Variants in C3orf20 observed in about 807,000 individuals in gnomAD.
C3orf20 encodes the protein uncharacterized protein C3orf20.
Under a neutral mutation model 88.3 loss-of-function variants are expected in C3orf20, and 76 were observed. The observed-to-expected ratio is 0.86, with a 90% CI of 0.72 to 1.04. The LOEUF is 1.04. Ranked by LOEUF, C3orf20 falls within the 50% of genes least tolerant of loss-of-function variation. The probability of loss-of-function intolerance (pLI) is 0.00; values close to 1 mark genes in which losing one functional copy is unlikely to be tolerated. For missense variants in C3orf20, 1,056 were observed against 1,123.3 expected, an observed-to-expected ratio of 0.94 and a Z score of 0.86; for synonymous variants, 436 against 437.4, an observed-to-expected ratio of 1.00 and a Z score of 0.04.
intron 1 of C3orf20, among the ~76,000 whole-genome samples, chr3:14,680,449 A>G (rs1170715337): frequency 1.3e-5 from 2 of 152,186 alleles, no homozygotes; most frequent in African/African-American, 4.8e-5. Context: ...AAATGTCCAG[A>G]ACAGGCAAAT....
Position 14,704,719 on chromosome 3 carries a change from T to C in C3orf20, c.1160+101T>C, listed in dbSNP as rs886618352. 10 of 1,428,854 alleles carry C rather than the reference T, an allele frequency of 7.0e-6. No homozygotes were observed. In the African/African-American group the frequency reaches 1.1e-4, roughly 16 times the overall value. The allele number at this position is 1,428,854 out of a possible 1,614,324, so 88.5% of individuals were successfully genotyped here. A position where few individuals can be genotyped will look rare whatever the true frequency, so the allele number is the denominator to read the frequency against. On this transcript the variant is annotated intron_variant, in intron 7 of 16. Coordinates refer to ENST00000253697, the MANE Select transcript of C3orf20 (RefSeq NM_032137.5). Reference sequence around the variant, plus strand: ...AATGTTTCCTTGGGCCTTTTAGTTATCAGAGAAGCCTGGTGATGGGTCTCC... The same window carrying C: ...AATGTTTCCTTGGGCCTTTTAGTTACCAGAGAAGCCTGGTGATGGGTCTCC...
chr3:14,687,647 C>T (rs887849320), intron 4 of C3orf20, among the ~76,000 whole-genome samples: 32 of 152,216 alleles, frequency 2.1e-4, no homozygotes, highest in African/African-American at 7.7e-4. Flanking sequence ...GCCCAACCCT[C>T]GGGCCTGACA....
At chr3:14,766,898 AGGCTTTGAGGAGCGTGGCCAGGC>A (rs58724662) in intron 15 of C3orf20, 45,634 of 151,816 alleles carry the variant, frequency 0.3, 8,829 homozygotes, top group African/African-American at 0.54. Flanking sequence ...GAGCTGTGGG[AGGCTTTGAGGAGCGTGGCCAGGC>A]GGCTTTGAGG....
rs2033843266 is a variant in C3orf20 at position 14,713,937 on chromosome 3, G to A, written c.1161-70G>A. On this transcript the variant is annotated intron_variant, in intron 7 of 16. Transcript: ENST00000253697. ...AGCTAACACTTTGACATGTGGACTT[G>A]CTTCAATGGGACAACTGAGAGCAGA... is the stretch of plus-strand genomic sequence containing the variant. The A allele has an allele frequency of 1.9e-6, 3 of 1,560,330 alleles. No homozygotes were observed. In the African/African-American group the frequency reaches 4.1e-5, roughly 21 times the overall value.
At chr3:14,749,447 C>G (rs1298596595) in intron 12 of C3orf20, among the ~76,000 whole-genome samples, 2 of 152,200 alleles carry the variant, frequency 1.3e-5, no homozygotes, top group African/African-American at 4.8e-5. Context: ...GTAGCTGGAA[C>G]TGCAGACACA....
intron 4 of C3orf20, among the ~76,000 whole-genome samples, chr3:14,686,246 A>G (rs1449245628): frequency 6.6e-6 from 1 of 151,098 alleles, no homozygotes; most frequent in Non-Finnish European, 1.5e-5. Context: ...TTTGATGAAC[A>G]TTTAGGTTGT....
intron 4 of C3orf20, among the ~76,000 whole-genome samples, chr3:14,687,411 AG>A (rs552802188): frequency 6.6e-6 from 1 of 152,186 alleles, no homozygotes; most frequent in Non-Finnish European, 1.5e-5. Flanking sequence ...TCTCTGTTTT[AG>A]GGGAAGTTAC....
chr3:14,684,786 G>T (rs1056115335), intron 4 of C3orf20, among the ~76,000 whole-genome samples: 1 of 152,202 alleles, frequency 6.6e-6, no homozygotes, highest in Non-Finnish European at 1.5e-5. Flanking sequence ...TTCAGTTTTT[G>T]TGCTCACCTG....
At chr3:14,727,130 A>G (rs1373414970) in intron 11 of C3orf20, 106 bp downstream of exon 11, 1 of 1,288,978 alleles carries the variant, frequency 7.8e-7, no homozygotes, top group Non-Finnish European at 1.1e-6. Flanking sequence ...CGCCCATTCC[A>G]TCTTCAGTCT....
At chr3:14,705,783 C>T (rs916711070) in intron 7 of C3orf20, among the ~76,000 whole-genome samples, 2 of 152,134 alleles carry the variant, frequency 1.3e-5, no homozygotes, top group Non-Finnish European at 2.9e-5. Flanking sequence ...ATGTGAAACA[C>T]AGTCATTTGT....
chr3:14,686,215 A>G (rs1440022402), intron 4 of C3orf20, among the ~76,000 whole-genome samples: 1 of 34,898 alleles, frequency 2.9e-5, no homozygotes, highest in African/African-American at 1.2e-4. Context: ...TGTGTGTGAC[A>G]TTTTCTTTAT....
chr3:14,738,822 T>G (rs975811830), intron 12 of C3orf20, among the ~76,000 whole-genome samples: 6 of 146,640 alleles, frequency 4.1e-5, no homozygotes, highest in East Asian at 3.9e-4. Flanking sequence ...TTTGTTTTTT[T>G]TTTTTTTTTT....
At position 14,700,516 on chromosome 3, in the gene C3orf20, A is replaced by T. The variant is rs923456608; in HGVS notation, c.746-2614A>T. Among the ~76,000 whole-genome samples, 28 of 152,338 alleles carry T rather than the reference A, an allele frequency of 1.8e-4. No individual in the cohort carries two copies. The South Asian group carries it at 3.3e-3, about 18-fold the overall frequency. On this transcript the variant is annotated intron_variant, in intron 5 of 16. Coordinates refer to ENST00000253697, the MANE Select transcript of C3orf20 (RefSeq NM_032137.5). ...TCAGGCATTTACAAGGGGTCCTGGA[A>T]TGTATTTCTCAAGGACTCGGGGGAT...
Position 14,682,838 on chromosome 3 carries a change from G to C in C3orf20, c.125G>C (p.Gly42Ala). 1 of 1,614,148 alleles carries C rather than the reference G, an allele frequency of 6.2e-7. No individual in the cohort carries two copies. Among genetic ancestry groups the C allele is most frequent in the Non-Finnish European group, 8.5e-7 (1 of 1,180,026 alleles). ...AATGCAGGCATTTCTGTACCAAAAG[G>C]CATCAGAAACATCTTTGAGTTCACT... ...CQNAGISVPK[G>A]IRNIFEFTWE... is the part of the protein sequence containing the mutation. The change falls in exon 3 of 17, where the codon GGC becomes GCC. Residue 42 changes from glycine to alanine, a missense_variant. Physicochemically the swap from Gly to Ala is moderately conservative, Grantham distance 60. Transcript: ENST00000253697.
intron 13 of C3orf20, among the ~76,000 whole-genome samples, chr3:14,759,089 C>A (rs2035479713): frequency 6.6e-6 from 1 of 152,132 alleles, no homozygotes. Flanking sequence ...CAGGGCGTGG[C>A]CTGAGGCAGT....
intron 10 of C3orf20, among the ~76,000 whole-genome samples, chr3:14,726,382 A>T (rs1575129730): frequency 6.6e-6 from 1 of 152,152 alleles, no homozygotes; most frequent in Non-Finnish European, 1.5e-5. Context: ...AGCTGGAGGG[A>T]TGAAGGGGCT....
chr3:14,720,537 GTTGTTGTTGTT>G (rs1559419312), intron 9 of C3orf20, among the ~76,000 whole-genome samples: 13 of 6,022 alleles, frequency 2.2e-3, no homozygotes, highest in South Asian at 8.9e-3. Flanking sequence ...GAGAGTGGTT[GTTGTTGTTGTT>G]GTTGTTGTTG....
chr3:14,685,722 GT>G (rs2032381845), intron 4 of C3orf20, among the ~76,000 whole-genome samples: 1 of 151,886 alleles, frequency 6.6e-6, no homozygotes. Flanking sequence ...GCTTCTATGA[GT>G]TTGAGTTTGA....
chr3:14,684,508 CA>C, intron 4 of C3orf20, 126 bp downstream of exon 4: 1 of 1,265,468 alleles, frequency 7.9e-7, no homozygotes, highest in South Asian at 1.5e-5. Context: ...TGTGGAGCAA[CA>C]GGGATTTTCA....
Sources: gnomAD v4.1 joint callset for allele counts (sites outside exome capture counted in the v4.1 genomes callset) on GRCh38, gnomAD v4.1.1 for gene constraint, MANE v1.5 for transcripts, NCBI Gene and HGNC (gene_info 2026-07-23, HGNC 2026-07-21) for gene names.